The following ZSCAN10 variants were observed in gnomAD, a reference collection of about 807,000 sequenced individuals.
ZSCAN10 encodes zinc finger and SCAN domain containing 10, also known as zinc finger and SCAN domain-containing protein 10.
Under a neutral mutation model 63.7 loss-of-function variants are expected in ZSCAN10, and 52 were observed. The observed-to-expected ratio is 0.82, with a 90% CI of 0.65 to 1.03. ZSCAN10 has a LOEUF of 1.03. ZSCAN10 is among the 50% of genes least tolerant of loss of function. ZSCAN10 has a pLI of 0.00. For missense variants in ZSCAN10, 1,223 were observed against 1,103.8 expected, an observed-to-expected ratio of 1.11 and a Z score of -1.53; for synonymous variants, 544 against 479.6, an observed-to-expected ratio of 1.13 and a Z score of -1.76.
intron 5 of ZSCAN10, among the ~76,000 whole-genome samples, 200 bp from the exon 6 acceptor site, chr16:3,090,846 G>A (rs1180129298): frequency 6.9e-6 from 1 of 145,356 alleles, no homozygotes; most frequent in East Asian, 2.1e-4. Context: ...AGTCAGGAGT[G>A]AGTTCAAGAC....
At chr16:3,094,784 CAGG>C (rs1957133753) in intron 1 of ZSCAN10, among the ~76,000 whole-genome samples, 1 of 151,880 alleles carries the variant, frequency 6.6e-6, no homozygotes, top group South Asian at 2.1e-4. Flanking sequence ...CGCTGGTGGA[CAGG>C]AGCCCAAAGA....
rs866288841 is a variant in ZSCAN10, at chr16:3,098,075, G to T, written c.-68+1115C>A. On this transcript the variant is annotated intron_variant, in intron 1 of 5. Transcript: ENST00000576985. ...AAAAAAAAAAAAAGAAAGAAAGAAA[G>T]AAAAGAAAAGAAAAGAAAAAAAAAG... is the stretch of plus-strand genomic sequence containing the variant. Among the ~76,000 whole-genome samples the T allele has an allele frequency of 2.3e-3, 312 of 135,230 alleles. 2 individuals carry two copies. Among genetic ancestry groups the T allele is most frequent in the African/African-American group, 8.4e-3 (305 of 36,362 alleles). The allele number at this position is 135,230 out of a possible 152,430, so 88.7% of individuals were successfully genotyped here. A position where few individuals can be genotyped will look rare whatever the true frequency, so the allele number is the denominator to read the frequency against.
chr16:3,090,554 C>A lies in ZSCAN10; in HGVS notation c.880G>T (p.Ala294Ser). The change falls in exon 6 of 6, where the codon GCA (alanine) becomes TCA (serine). Residue 294 changes from alanine (A) to serine (S), a missense_variant. Coordinates refer to ENST00000576985, the MANE Select transcript of ZSCAN10 (RefSeq NM_032805.3). ...TCTCCCGGCACCCCAGGACTATCTG[C>A]CTGGGACTCTGCTAAGATGGGAGTG... Reference protein sequence around the residue: ...WPTPILAESQADSPGVPGEPC... With the variant: ...WPTPILAESQSDSPGVPGEPC... 6.2e-7 allele frequency: 1 copy of A among 1,606,480 alleles called. No individual in the cohort carries two copies.
chr16:3,098,122 T>C (rs913288028), intron 1 of ZSCAN10, among the ~76,000 whole-genome samples: 1 of 139,858 alleles, frequency 7.2e-6, no homozygotes, highest in African/African-American at 2.7e-5. Context: ...GGGAAGAAAA[T>C]GGGATTACGT....
chr16:3,098,777 C>T (rs1048546432), intron 1 of ZSCAN10, among the ~76,000 whole-genome samples: 1 of 152,220 alleles, frequency 6.6e-6, no homozygotes, highest in Non-Finnish European at 1.5e-5. Flanking sequence ...CCCAGGTCAC[C>T]TGAGAGCCCA....
In ZSCAN10 at chr16:3,090,310, G is replaced by A. The variant is rs780410257; in HGVS notation, c.1124C>T (p.Ser375Phe). 6.2e-7 allele frequency: 1 copy of A among 1,609,542 alleles called. No individual in the cohort carries two copies. Among genetic ancestry groups the A allele is most frequent in the South Asian group, 1.1e-5 (1 of 90,822 alleles). The change falls in exon 6 of 6, where the codon TCC (serine) becomes TTC (phenylalanine). Residue 375 changes from serine (S) to phenylalanine (F), a missense_variant. By Grantham distance (155) the Ser-to-Phe change is radical. Transcript: ENST00000576985. ...HQLRSHPAGR[S>F]FLCLCCGKSF... ...CTTCCCGCAGCAAAGGCACAGGAAG[G>A]AGCGCCCAGCCGGGTGCGAGCGCAG...
At position 3,095,827 on chromosome 16, in the gene ZSCAN10, C is replaced by CAA. The variant is rs34598827; in HGVS notation, c.-67-2825_-67-2824dup. On this transcript the variant is annotated intron_variant, in intron 1 of 5. Coordinates refer to ENST00000576985, the MANE Select transcript of ZSCAN10 (RefSeq NM_032805.3). ...TGGGCGACAGAGCCAGACTCCATCT[C>CAA]AAAAAAAAAAAAAAAAAATTTAGCC... Among the ~76,000 whole-genome samples the CAA allele has an allele frequency of 1.3e-3, 159 of 118,632 alleles. 1 individual carries two copies. The highest frequency in any genetic ancestry group is 5.8e-3 in the South Asian group (21 of 3,608). 77.8% of individuals were successfully genotyped at this position (118,632 alleles called of 152,430 possible). A position where few individuals can be genotyped will look rare whatever the true frequency, so the allele number is the denominator to read the frequency against.
chr16:3,089,219 G>T lies in ZSCAN10; in HGVS notation c.2215C>A (p.Leu739Met). Residue 739 changes from leucine to methionine, a missense_variant, in exon 6 of 6, where the codon CTG becomes ATG. By Grantham distance (15) the Leu-to-Met change is conservative (BLOSUM62 2). Coordinates refer to ENST00000576985, the MANE Select transcript of ZSCAN10 (RefSeq NM_032805.3). Reference sequence around the variant, plus strand: ...GTGTGCACCAGCAGGTGTCGCAGCAGATTGCAGCTGCGGCTGAAGCTCTTC... The same window carrying T: ...GTGTGCACCAGCAGGTGTCGCAGCATATTGCAGCTGCGGCTGAAGCTCTTC... ...CGKSFSRSCN[L>M]LRHLLVHTGA... 1.3e-6 allele frequency: 2 copies of T among 1,584,338 alleles called. No homozygotes were observed. The highest frequency in any genetic ancestry group is 1.7e-6 in the Non-Finnish European group (2 of 1,172,216).
chr16:3,098,005 T>TGCAC (rs1957174732), intron 1 of ZSCAN10, among the ~76,000 whole-genome samples: 1 of 124,122 alleles, frequency 8.1e-6, no homozygotes, highest in South Asian at 2.4e-4. Flanking sequence ...TTCGCGCCAC[T>TGCAC]GCACACCAGC....
In ZSCAN10 at chr16:3,090,237, C is replaced by T. The variant is rs545333826; in HGVS notation, c.1197G>A (p.Thr399=). The change falls in exon 6 of 6, where the codon ACG becomes ACA. Residue 399 remains threonine (T), a synonymous_variant. Transcript: ENST00000576985. ...SILKLHMRTH[T]DERPHACHLC... ...GGTGGCAGGCGTGCGGCCGCTCGTC[C>T]GTGTGAGTGCGCATGTGCAGCTTGA... 13 of 1,607,738 alleles carry T rather than the reference C, an allele frequency of 8.1e-6. No individual in the cohort carries two copies. The African/African-American group carries it at 9.3e-5, about 12-fold the overall frequency.
At chr16:3,091,436 G>C (rs1282660711) in intron 5 of ZSCAN10, 104 bp downstream of exon 5, 3 of 1,285,160 alleles carry the variant, frequency 2.3e-6, no homozygotes, top group Non-Finnish European at 2.3e-6. Context: ...TTGAGCCCAG[G>C]AGTGGAGACT....
At chr16:3,091,716 G>A in intron 4 of ZSCAN10, 48 bp downstream of exon 4, 1 of 1,592,612 alleles carries the variant, frequency 6.3e-7, no homozygotes, top group Non-Finnish European at 8.6e-7. Flanking sequence ...CTACAGGGTA[G>A]AGAAGTTCCT....
In ZSCAN10 at chr16:3,092,086, C is replaced by T. The variant is rs201889093; in HGVS notation, c.627G>A (p.Pro209=). The change falls in exon 3 of 6, where the codon CCG becomes CCA. Residue 209 remains proline, a synonymous_variant. Transcript: ENST00000576985. ...LPPSSKQPLS[P]GPQKTFQALQ... ...GGGCCTGGAATGTCTTCTGGGGCCC[C>T]GGGCTCAGCGGCTGCTTTGAACTTG... 35 of 1,590,226 alleles carry T rather than the reference C, an allele frequency of 2.2e-5. No homozygotes were observed. The East Asian group carries it at 4.7e-4, about 21-fold the overall frequency.
rs766186645 is a variant in ZSCAN10 at position 3,092,609 on chromosome 16, C to T, written c.329G>A (p.Arg110Lys). Residue 110 changes from arginine (R) to lysine (K), a missense_variant, in exon 2 of 6, where the codon AGG becomes AAG. Coordinates refer to ENST00000576985, the MANE Select transcript of ZSCAN10 (RefSeq NM_032805.3). Reference sequence around the variant, plus strand: ...CAGCAGCACCACCTCCTCCCCATCCCTGAGCGGCTGCCCCTGCAGGCGGCC... The same window carrying T: ...CAGCAGCACCACCTCCTCCCCATCCTTGAGCGGCTGCCCCTGCAGGCGGCC... Reference protein sequence around the residue: ...LLGRLQGQPLRDGEEVVLLLE... With the variant: ...LLGRLQGQPLKDGEEVVLLLE... 6.2e-7 allele frequency: 1 copy of T among 1,602,770 alleles called. No individual in the cohort carries two copies. Among genetic ancestry groups the T allele is most frequent in the Non-Finnish European group, 8.5e-7 (1 of 1,175,392 alleles).
In ZSCAN10 at chr16:3,089,351, A is replaced by G; in HGVS notation, c.2083T>C (p.Cys695Arg). The G allele has an allele frequency of 6.3e-7, 1 of 1,595,190 alleles. No individual in the cohort carries two copies. The highest frequency in any genetic ancestry group is 8.5e-7 in the Non-Finnish European group (1 of 1,175,848). ...TGERPYSCQTCGRSFRRNAHL... is the reference protein window; with the variant it reads ...TGERPYSCQTRGRSFRRNAHL... Reference sequence around the variant, plus strand: ...GCGTTGCGCCGGAAGCTGCGACCGCACGTCTGACAGCTGTAGGGCCGCTCG... The same window carrying G: ...GCGTTGCGCCGGAAGCTGCGACCGCGCGTCTGACAGCTGTAGGGCCGCTCG... The change falls in exon 6 of 6, where the codon TGC becomes CGC. Residue 695 changes from cysteine to arginine, a missense_variant. Cys to Arg is a radical substitution (Grantham distance 180). Coordinates refer to ENST00000576985, the MANE Select transcript of ZSCAN10 (RefSeq NM_032805.3).
chr16:3,090,570 G>C lies in ZSCAN10; in HGVS notation c.864C>G (p.Ile288Met). Residue 288 changes from isoleucine (I) to methionine (M), a missense_variant, in exon 6 of 6, where the codon ATC (isoleucine) becomes ATG (methionine). By Grantham distance (10) the Ile-to-Met change is conservative (BLOSUM62 1). Transcript: ENST00000576985. Reference sequence around the variant, plus strand: ...GACTATCTGCCTGGGACTCTGCTAAGATGGGAGTGGGCCAGGCAGCCCCTT... The same window carrying C: ...GACTATCTGCCTGGGACTCTGCTAACATGGGAGTGGGCCAGGCAGCCCCTT... ...EPKGAAWPTP[I>M]LAESQADSPG... 1.3e-6 allele frequency: 2 copies of C among 1,594,198 alleles called. No individual in the cohort carries two copies. The highest frequency in any genetic ancestry group is 1.1e-5 in the South Asian group (1 of 90,292).
At chr16:3,093,983 C>T (rs2151217423) in intron 1 of ZSCAN10, among the ~76,000 whole-genome samples, 1 of 152,052 alleles carries the variant, frequency 6.6e-6, no homozygotes, top group East Asian at 1.9e-4. Flanking sequence ...CTGCACCAAG[C>T]CTGTTTTTTA....
chr16:3,090,907 AAC>A, intron 5 of ZSCAN10, among the ~76,000 whole-genome samples: 1 of 151,716 alleles, frequency 6.6e-6, no homozygotes. Flanking sequence ...AAAAAAAAAA[AAC>A]CAAAACAAAA....
intron 1 of ZSCAN10, among the ~76,000 whole-genome samples, chr16:3,098,108 G>A (rs941251882): frequency 6.6e-6 from 1 of 151,538 alleles, no homozygotes; most frequent in Non-Finnish European, 1.5e-5. Context: ...AAGAGTGGGG[G>A]AGGGGGAAGA....
Sources: gnomAD v4.1 joint callset for allele counts (sites outside exome capture counted in the v4.1 genomes callset) on GRCh38, gnomAD v4.1.1 for gene constraint, MANE v1.5 for transcripts, NCBI Gene and HGNC (gene_info 2026-07-23, HGNC 2026-07-21) for gene names.